The following KIAA0513 variants were observed in gnomAD, a reference collection of about 807,000 sequenced individuals.
The protein encoded by KIAA0513 is uncharacterized protein KIAA0513.
A neutral mutation model predicts 56.5 loss-of-function variants in KIAA0513; 39 were observed. The observed-to-expected ratio is 0.69, with a 90% CI of 0.53 to 0.90. The LOEUF is 0.90. Ranked by LOEUF, KIAA0513 falls within the 40% of genes least tolerant of loss-of-function variation. The pLI is 0.00. For synonymous variants in KIAA0513, 268 were observed against 215.6 expected (o/e 1.24, Z -2.13); for missense variants, 591 against 535.2 (o/e 1.10, Z -1.03).
chr16:85,044,539 G>A (rs111527211), intron 1 of KIAA0513, among the ~76,000 whole-genome samples: 6,219 of 146,632 alleles, frequency 0.042, 142 homozygotes, highest in Non-Finnish European at 0.053. Context: ...ACAGAGACTC[G>A]CCCTGTCGCC....
At chr16:85,049,148 T>C (rs1172340581) in intron 1 of KIAA0513, among the ~76,000 whole-genome samples, 1 of 152,244 alleles carries the variant, frequency 6.6e-6, no homozygotes, top group Non-Finnish European at 1.5e-5. Context: ...GCAGAGCGCC[T>C]TGGGCCCCAG....
chr16:85,046,687 C>G (rs1222426595), intron 1 of KIAA0513, among the ~76,000 whole-genome samples: 1 of 152,202 alleles, frequency 6.6e-6, no homozygotes, highest in Non-Finnish European at 1.5e-5. Flanking sequence ...TCCGTGTTCA[C>G]TGCCTCTTTC....
chr16:85,058,138 T>A (rs998314634), intron 1 of KIAA0513, among the ~76,000 whole-genome samples: 4 of 152,184 alleles, frequency 2.6e-5, no homozygotes, highest in Non-Finnish European at 4.4e-5. Context: ...CAGGCCCTCT[T>A]CAGAGAATTC....
chr16:85,059,206 C>G (rs1448906775), intron 1 of KIAA0513, among the ~76,000 whole-genome samples: 1 of 152,068 alleles, frequency 6.6e-6, no homozygotes, highest in East Asian at 1.9e-4. Context: ...TAAACATGAC[C>G]TCATGGTAGA....
intron 1 of KIAA0513, among the ~76,000 whole-genome samples, chr16:85,038,837 T>C (rs1429378923): frequency 6.6e-6 from 1 of 152,212 alleles, no homozygotes; most frequent in Non-Finnish European, 1.5e-5. Context: ...TACATTCTCT[T>C]TTCTGTCCAA....
intron 1 of KIAA0513, among the ~76,000 whole-genome samples, chr16:85,054,967 G>C (rs1465968728): frequency 2.6e-5 from 4 of 152,054 alleles, no homozygotes; most frequent in Non-Finnish European, 4.4e-5. Context: ...CTGTTACAAA[G>C]GCTGGAGTGC....
rs1413273142 is a variant in KIAA0513 at position 85,092,433 on chromosome 16, C to G, written c.*4108C>G. The G allele has an allele frequency of 6.6e-6, 1 of 152,218 alleles. No individual in the cohort carries two copies. The highest frequency in any genetic ancestry group is 1.9e-4 in the East Asian group (1 of 5,194). The allele number at this position is 152,218 out of a possible 1,614,324, so 9.4% of individuals were successfully genotyped here. On this transcript the variant is annotated 3_prime_UTR_variant, in exon 13 of 13. Coordinates refer to ENST00000683363, the MANE Select transcript of KIAA0513 (RefSeq NM_001388359.1). ...CTTTCTGCAGAGGAAGGGATGCTCG[C>G]AGGGTGGCAGTGGCCCAGCCCCAGC...
At chr16:85,065,326 C>G (rs565716571) in intron 1 of KIAA0513, among the ~76,000 whole-genome samples, 1 of 152,238 alleles carries the variant, frequency 6.6e-6, no homozygotes, top group Admixed American at 6.5e-5. Flanking sequence ...CGACCGGCCA[C>G]TCCTTGCTCT....
In KIAA0513 at chr16:85,088,356, G is replaced by C; in HGVS notation, c.*31G>C. ...AGAGGTCGCACTCCGCAGGAGGACT[G>C]AGGCCATGTGCCATTCTCCCGGGCC... On this transcript the variant is annotated 3_prime_UTR_variant, in exon 13 of 13. Coordinates refer to ENST00000683363, the MANE Select transcript of KIAA0513 (RefSeq NM_001388359.1). The C allele has an allele frequency of 6.3e-7, 1 of 1,596,740 alleles. No individual in the cohort carries two copies. Among genetic ancestry groups the C allele is most frequent in the Non-Finnish European group, 8.5e-7 (1 of 1,171,684 alleles).
chr16:85,036,785 G>A (rs192670764), intron 1 of KIAA0513, among the ~76,000 whole-genome samples: 44 of 152,270 alleles, frequency 2.9e-4, no homozygotes, highest in Non-Finnish European at 4.7e-4. Flanking sequence ...GACAGCTCCC[G>A]CCTTTCCTTA....
chr16:85,088,206 G>T (rs2073831344), intron 12 of KIAA0513, 70 bp from the exon 13 acceptor site: 2 of 1,453,344 alleles, frequency 1.4e-6, no homozygotes, highest in Middle Eastern at 1.8e-4. Context: ...CTGTCCGAGT[G>T]ACAAGAGCAG....
intron 1 of KIAA0513, among the ~76,000 whole-genome samples, chr16:85,042,492 G>A (rs939267453): frequency 4.6e-5 from 7 of 152,018 alleles, no homozygotes; most frequent in Non-Finnish European, 7.4e-5. Flanking sequence ...CCTCTGCTTG[G>A]GTTTATCTAG....
chr16:85,053,860 C>CGG (rs2073289763), intron 1 of KIAA0513, among the ~76,000 whole-genome samples: 1 of 152,034 alleles, frequency 6.6e-6, no homozygotes, highest in Admixed American at 6.6e-5. Flanking sequence ...GGCATGGTGG[C>CGG]GTGCACCTGT....
At position 85,076,439 on chromosome 16, in the gene KIAA0513, C is replaced by T. The variant is rs1213217722; in HGVS notation, c.574+525C>T. Reference sequence around the variant, plus strand: ...CCGCCTCATTGCGTTGGCACTTTCTCGTATGTTGGAGCTCAAGGGCTTCCT... The same window carrying T: ...CCGCCTCATTGCGTTGGCACTTTCTTGTATGTTGGAGCTCAAGGGCTTCCT... On this transcript the variant is annotated intron_variant, in intron 5 of 12. Transcript: ENST00000683363. The surrounding 1 kb of genome is among the most constrained non-coding windows in gnomAD (Gnocchi z 4.7). 1.3e-5 allele frequency among the ~76,000 whole-genome samples: 2 copies of T among 152,108 alleles called. No homozygotes were observed. Among genetic ancestry groups the T allele is most frequent in the Admixed American group, 6.5e-5 (1 of 15,272 alleles).
chr16:85,060,180 T>C (rs1332391921), intron 1 of KIAA0513, among the ~76,000 whole-genome samples: 1 of 152,156 alleles, frequency 6.6e-6, no homozygotes, highest in African/African-American at 2.4e-5. Context: ...AGGCTGGTCT[T>C]GAACTCCTGA....
chr16:85,065,263 C>A (rs1487575377), intron 1 of KIAA0513, among the ~76,000 whole-genome samples: 1 of 152,182 alleles, frequency 6.6e-6, no homozygotes, highest in East Asian at 1.9e-4. Context: ...CCAGGGGGGA[C>A]CCATCAGAGA....
chr16:85,057,885 C>T (rs531561536), intron 1 of KIAA0513, among the ~76,000 whole-genome samples: 98 of 152,066 alleles, frequency 6.4e-4, no homozygotes, highest in Admixed American at 2.0e-3. Flanking sequence ...TGTCTGCACA[C>T]GGCTTGGTGT....
chr16:85,086,072 C>A (rs2073804106), intron 10 of KIAA0513, among the ~76,000 whole-genome samples: 1 of 151,868 alleles, frequency 6.6e-6, no homozygotes, highest in Non-Finnish European at 1.5e-5. Context: ...CAGCCCTCTG[C>A]AGACAGGGGA....
At chr16:85,068,223 T>G (rs1474574726) in intron 2 of KIAA0513, among the ~76,000 whole-genome samples, 1 of 151,308 alleles carries the variant, frequency 6.6e-6, no homozygotes, top group Non-Finnish European at 1.5e-5. Flanking sequence ...GTGGTGCGAT[T>G]TCAGCTCACT....
Sources: gnomAD v4.1 joint callset for allele counts (sites outside exome capture counted in the v4.1 genomes callset) on GRCh38, gnomAD v4.1.1 for gene constraint, Gnocchi (gnomAD v3.1) non-coding constraint, MANE v1.5 for transcripts, NCBI Gene and HGNC (gene_info 2026-07-23, HGNC 2026-07-21) for gene names.